The following PECR variants were observed in gnomAD, a reference collection of about 807,000 sequenced individuals.
PECR encodes the protein 2,4-dienoyl-CoA reductase-related protein.
A neutral mutation model predicts 35.3 loss-of-function variants in PECR; 30 were observed. The observed-to-expected ratio is 0.85, with a 90% CI of 0.64 to 1.15. The LOEUF is 1.15. Among genes scored for constraint, PECR ranks in the 50% most tolerant of loss-of-function variants. The pLI, the probability that PECR is intolerant of heterozygous loss-of-function variation, is 0.00. For synonymous variants in PECR, 148 were observed against 138.9 expected, an observed-to-expected ratio of 1.07 and a Z score of -0.46; for missense variants, 392 against 370.8, an observed-to-expected ratio of 1.06 and a Z score of -0.47.
chr2:216,049,850 C>A (rs1370734180), intron 5 of PECR, among the ~76,000 whole-genome samples: 1 of 152,170 alleles, frequency 6.6e-6, no homozygotes, highest in East Asian at 1.9e-4. Context: ...TACCAATAAA[C>A]TAAATTTTTC....
At chr2:216,045,458 C>T (rs1241879402) in intron 6 of PECR, among the ~76,000 whole-genome samples, 1 of 152,216 alleles carries the variant, frequency 6.6e-6, no homozygotes, top group Non-Finnish European at 1.5e-5. Flanking sequence ...AAAATCATCT[C>T]AATTTTCCAT....
chr2:216,043,800 T>G, intron 7 of PECR, 104 bp downstream of exon 7: 1 of 704,234 alleles, frequency 1.4e-6, no homozygotes, highest in South Asian at 1.5e-5. Flanking sequence ...TGATGTTCTA[T>G]AAGAGAGCAC....
At chr2:216,038,365 C>T (rs1350068366), downstream of PECR, 1 of 152,148 alleles carries the variant, frequency 6.6e-6, no homozygotes, top group Admixed American at 6.5e-5. Context: ...AAAATCAAGA[C>T]ACAAATCAGG....
chr2:216,066,151 T>TA (rs144096468), intron 2 of PECR, among the ~76,000 whole-genome samples: 1,706 of 152,140 alleles, frequency 0.011, 35 homozygotes, highest in African/African-American at 0.039. Flanking sequence ...AATGAAGACT[T>TA]AAAGGACAAA....
intron 3 of PECR, among the ~76,000 whole-genome samples, chr2:216,062,381 T>C (rs566155411): frequency 6.6e-6 from 1 of 152,238 alleles, no homozygotes; most frequent in African/African-American, 2.4e-5. Context: ...TATACAGAAA[T>C]CCATTGTATT....
At chr2:216,051,158 T>C (rs1307129412) in intron 5 of PECR, among the ~76,000 whole-genome samples, 1 of 151,390 alleles carries the variant, frequency 6.6e-6, no homozygotes, top group Non-Finnish European at 1.5e-5. Flanking sequence ...TGGTGGCTTG[T>C]GCCTGTAGTC....
chr2:216,043,971 G>A lies in PECR; in HGVS notation c.759C>T (p.Phe253=), dbSNP rs1694946024. ...CCACATCCACCGACTGTCCAGTGATGAAGGAAGCTGCAGGAGACAGTAGGA... is the reference window on the plus strand; with the variant it reads ...CCACATCCACCGACTGTCCAGTGATAAAGGAAGCTGCAGGAGACAGTAGGA... The part of the protein sequence containing the change: ...VCFLLSPAAS[F]ITGQSVDVDG... Residue 253 remains phenylalanine, a synonymous_variant, in exon 7 of 8, where the codon TTC becomes TTT. Coordinates refer to ENST00000265322, the MANE Select transcript of PECR (RefSeq NM_018441.6). 6.2e-7 allele frequency: 1 copy of A among 1,612,534 alleles called. No homozygotes were observed. Among genetic ancestry groups the A allele is most frequent in the Non-Finnish European group, 8.5e-7 (1 of 1,178,712 alleles).
At chr2:216,056,702 C>G (rs1367044022) in intron 4 of PECR, among the ~76,000 whole-genome samples, 2 of 126,544 alleles carry the variant, frequency 1.6e-5, no homozygotes, top group African/African-American at 6.2e-5. Context: ...GCCTGGGCAA[C>G]AGGAGCAAAA....
At chr2:216,072,352 G>A (rs1327910001) in intron 1 of PECR, among the ~76,000 whole-genome samples, 3 of 152,162 alleles carry the variant, frequency 2.0e-5, no homozygotes, top group Non-Finnish European at 4.4e-5. Flanking sequence ...AGTTGTATAA[G>A]ATAAGCTAGC....
At chr2:216,066,644 CAAT>C (rs879617742) in intron 1 of PECR, 126 bp from the exon 2 acceptor site, 28 of 820,048 alleles carry the variant, frequency 3.4e-5, no homozygotes, top group Admixed American at 3.3e-4. Context: ...CAAATTCCAA[CAAT>C]AATAATATTG....
intron 7 of PECR, among the ~76,000 whole-genome samples, chr2:216,029,455 G>C (rs959173514): frequency 8.6e-6 from 1 of 116,882 alleles, no homozygotes; most frequent in South Asian, 2.8e-4. Context: ...TCCGCCTGGC[G>C]AGAGAGTGAG....
At chr2:216,031,097 G>A (rs1559203676) in intron 7 of PECR, among the ~76,000 whole-genome samples, 2 of 151,892 alleles carry the variant, frequency 1.3e-5, no homozygotes, top group Non-Finnish European at 2.9e-5. Context: ...AAGTAAAATG[G>A]TAACAACGCG....
intron 3 of PECR, among the ~76,000 whole-genome samples, chr2:216,062,604 TC>T (rs1293138412): frequency 1.3e-5 from 2 of 152,180 alleles, no homozygotes; most frequent in African/African-American, 4.8e-5. Flanking sequence ...AGGGCAGTCA[TC>T]TTTTAAATCA....
At chr2:216,066,998 G>C (rs1017069587) in intron 1 of PECR, among the ~76,000 whole-genome samples, 3 of 152,154 alleles carry the variant, frequency 2.0e-5, no homozygotes, top group Non-Finnish European at 4.4e-5. Flanking sequence ...TCTGGCACTG[G>C]ACATCTAGTA....
chr2:216,031,485 GAAAGAA>G (rs1401092256), intron 7 of PECR, among the ~76,000 whole-genome samples: 10 of 120,606 alleles, frequency 8.3e-5, no homozygotes, highest in East Asian at 2.4e-4. Context: ...GAGAAAGAAA[GAAAGAA>G]AGAGAAAGAA....
chr2:216,041,075 A>G (rs1694878176), intron 7 of PECR, among the ~76,000 whole-genome samples: 1 of 152,158 alleles, frequency 6.6e-6, no homozygotes, highest in South Asian at 2.1e-4. Context: ...TTAAAAGAAA[A>G]CACCATAGTG....
At chr2:216,048,067 C>CTTTATTTTAT (rs531502433) in intron 6 of PECR, among the ~76,000 whole-genome samples, 2 of 145,294 alleles carry the variant, frequency 1.4e-5, no homozygotes, top group Non-Finnish European at 3.0e-5. Context: ...CTTTTCTTTT[C>CTTTATTTTAT]TTTATTTTAT....
At chr2:216,054,832 G>A (rs1695192509) in intron 4 of PECR, among the ~76,000 whole-genome samples, 1 of 152,176 alleles carries the variant, frequency 6.6e-6, no homozygotes, top group Non-Finnish European at 1.5e-5. Context: ...CTTAATGTAG[G>A]CCAGGCGTGG....
intron 7 of PECR, among the ~76,000 whole-genome samples, chr2:216,043,099 ATGCG>A (rs1694927226): frequency 4.2e-5 from 6 of 143,062 alleles, no homozygotes; most frequent in South Asian, 4.3e-4. Context: ...ATATATATGT[ATGCG>A]TATATATATA....
Sources: allele counts gnomAD v4.1 joint callset (sites outside exome capture counted in the v4.1 genomes callset), GRCh38; gene constraint gnomAD v4.1.1; transcripts MANE v1.5; gene names NCBI Gene and HGNC (gene_info 2026-07-23, HGNC 2026-07-21).